NCALD: variants seen among roughly 807,000 people sequenced by gnomAD.
NCALD encodes the protein neurocalcin-delta.
In NCALD, 10 loss-of-function variants were observed where a neutral mutation model predicts 18.6. That is an observed-to-expected ratio of 0.54 (90% CI 0.33 to 0.91). The LOEUF is 0.91. Ranked by LOEUF, NCALD falls within the 40% of genes least tolerant of loss-of-function variation. NCALD has a pLI of 0.03. For missense variants in NCALD, 184 were observed against 247.6 expected, an observed-to-expected ratio of 0.74 and a Z score of 1.72; for synonymous variants, 88 against 87.4, an observed-to-expected ratio of 1.01 and a Z score of -0.04.
intron 2 of NCALD, among the ~76,000 whole-genome samples, chr8:101,705,430 T>A (rs1468373278): frequency 6.6e-6 from 1 of 151,882 alleles, no homozygotes; most frequent in Non-Finnish European, 1.5e-5. Context: ...GTTAGAAACA[T>A]GTTGTGAAGA....
chr8:101,812,357 G>C (rs1031687424), intron 4 of NCALD, among the ~76,000 whole-genome samples: 14 of 152,118 alleles, frequency 9.2e-5, no homozygotes, highest in Non-Finnish European at 1.5e-5. Context: ...GAGATGTTCA[G>C]TTATTGAGTT....
chr8:101,879,296 C>A (rs547098211), intron 4 of NCALD, among the ~76,000 whole-genome samples: 1 of 152,118 alleles, frequency 6.6e-6, no homozygotes, highest in South Asian at 2.1e-4. Flanking sequence ...GATGTTCAGA[C>A]GTGTTCAGAG....
intron 1 of NCALD, chr8:101,788,694 G>C (rs932983295): frequency 1.3e-5 from 2 of 152,178 alleles, no homozygotes; most frequent in Admixed American, 6.5e-5. Context: ...GGCTGCCAAA[G>C]AGGTCCACAG....
chr8:101,712,587 C>CAAAAAAAAAAAAAAAAAAAAAAAA (rs201729096), intron 2 of NCALD, among the ~76,000 whole-genome samples: 4 of 78,906 alleles, frequency 5.1e-5, no homozygotes, highest in East Asian at 4.0e-4. Flanking sequence ...AAATGGAAAG[C>CAAAAAAAAAAAAAAAAAAAAAAAA]AAAAAAAAAA....
chr8:101,940,771 T>G (rs1818926708), intron 2 of NCALD, among the ~76,000 whole-genome samples: 1 of 151,540 alleles, frequency 6.6e-6, no homozygotes, highest in Non-Finnish European at 1.5e-5. Context: ...GGCCAGCCAA[T>G]GAATGAAAAA....
At chr8:101,862,465 G>A (rs1815584727) in intron 4 of NCALD, among the ~76,000 whole-genome samples, 4 of 152,094 alleles carry the variant, frequency 2.6e-5, no homozygotes. Flanking sequence ...CAAAGTCTTG[G>A]ACAAAAGTTA....
At chr8:101,968,091 A>G (rs1046997436) in intron 2 of NCALD, among the ~76,000 whole-genome samples, 18 of 152,152 alleles carry the variant, frequency 1.2e-4, no homozygotes, top group Non-Finnish European at 2.2e-4. Context: ...TTGTATAATA[A>G]TAAGTTTTGG....
At chr8:101,783,682 T>A (rs1001877312) in intron 1 of NCALD, among the ~76,000 whole-genome samples, 2 of 152,120 alleles carry the variant, frequency 1.3e-5, no homozygotes, top group African/African-American at 4.8e-5. Context: ...AGTACTGCCA[T>A]CCACACTGCA....
At chr8:101,952,607 C>T (rs1819473226) in intron 2 of NCALD, among the ~76,000 whole-genome samples, 1 of 152,206 alleles carries the variant, frequency 6.6e-6, no homozygotes, top group Non-Finnish European at 1.5e-5. Context: ...TGTCAGCAGG[C>T]TCTTAATGGG....
intron 4 of NCALD, among the ~76,000 whole-genome samples, chr8:101,849,658 C>T (rs946851845): frequency 1.3e-5 from 2 of 152,166 alleles, no homozygotes; most frequent in African/African-American, 2.4e-5. Context: ...AGCATAGGAA[C>T]GGAAGTCTCC....
intron 1 of NCALD, among the ~76,000 whole-genome samples, chr8:102,049,948 GTCAGGAGA>G (rs1823376382): frequency 6.6e-6 from 1 of 150,838 alleles, no homozygotes; most frequent in Non-Finnish European, 1.5e-5. Flanking sequence ...GGATCATGAG[GTCAGGAGA>G]TCGAGACCAT....
intron 2 of NCALD, among the ~76,000 whole-genome samples, chr8:101,984,772 A>G (rs1820742329): frequency 6.6e-6 from 1 of 152,232 alleles, no homozygotes. Context: ...GTGAAAACCC[A>G]GCACTTGACT....
chr8:101,721,811 C>T (rs1434791708), intron 1 of NCALD, among the ~76,000 whole-genome samples: 1 of 151,654 alleles, frequency 6.6e-6, no homozygotes, highest in Admixed American at 6.6e-5. Flanking sequence ...ATGAGTATGG[C>T]CAACTGCTGT....
At chr8:101,910,558 A>G (rs1280110977) in intron 3 of NCALD, among the ~76,000 whole-genome samples, 2 of 152,222 alleles carry the variant, frequency 1.3e-5, no homozygotes, top group East Asian at 3.8e-4. Flanking sequence ...AATCACCGTA[A>G]TACAGAAAGG....
At chr8:101,746,807 G>C (rs1162992941) in intron 1 of NCALD, among the ~76,000 whole-genome samples, 1 of 151,778 alleles carries the variant, frequency 6.6e-6, no homozygotes. Flanking sequence ...TAGTAATAAT[G>C]ATGACCTTAT....
chr8:101,799,793 C>T lies in NCALD; in HGVS notation c.-19-80145G>A, dbSNP rs538343053. Among the ~76,000 whole-genome samples the T allele has an allele frequency of 5.9e-5, 9 of 152,252 alleles. No homozygotes were observed. In the South Asian group the frequency reaches 6.2e-4, roughly 11 times the overall value. On this transcript the variant is annotated intron_variant, in intron 4 of 6. Coordinates refer to the NCALD transcript ENST00000311028. The stretch of plus-strand genomic sequence containing the variant: ...AGCAGGTAGGGAAGCCAGGAAAGTA[C>T]GCTGGCTATAAAGGGTGGCAAGTAG...
At chr8:101,945,554 T>C (rs1819136994) in intron 2 of NCALD, among the ~76,000 whole-genome samples, 1 of 152,174 alleles carries the variant, frequency 6.6e-6, no homozygotes, top group East Asian at 1.9e-4. Context: ...ATGAAGAGAT[T>C]GATACAGAGG....
At chr8:101,736,500 A>C (rs529436456) in intron 1 of NCALD, among the ~76,000 whole-genome samples, 48 of 152,322 alleles carry the variant, frequency 3.2e-4, no homozygotes, top group African/African-American at 1.1e-3. Flanking sequence ...AGATGCCCTA[A>C]CTATACCTGC....
At chr8:101,846,587 T>TA (rs1814877441) in intron 4 of NCALD, among the ~76,000 whole-genome samples, 1 of 152,180 alleles carries the variant, frequency 6.6e-6, no homozygotes, top group African/African-American at 2.4e-5. Flanking sequence ...AAAGATTATC[T>TA]AGTGCCTATC....
Sources: allele counts gnomAD v4.1 joint callset (sites outside exome capture counted in the v4.1 genomes callset), GRCh38; gene constraint gnomAD v4.1.1; transcripts MANE v1.5; gene names NCBI Gene and HGNC (gene_info 2026-07-23, HGNC 2026-07-21).